Variants in CCNF observed in about 807,000 individuals in gnomAD.
CCNF encodes the protein cyclin-F.
Under a neutral mutation model 85.4 loss-of-function variants are expected in CCNF, and 30 were observed. That is an observed-to-expected ratio of 0.35 (90% CI 0.26 to 0.48). CCNF has a LOEUF of 0.48. Among genes scored for constraint, CCNF ranks in the 20% least tolerant of loss-of-function variants. The pLI, the probability that CCNF is intolerant of heterozygous loss-of-function variation, is 0.99. For missense variants in CCNF, 919 were observed against 1,010.4 expected, an observed-to-expected ratio of 0.91 and a Z score of 1.23; for synonymous variants, 439 against 425.1, an observed-to-expected ratio of 1.03 and a Z score of -0.40.
chr16:2,455,330 G>A, intron 15 of CCNF, 65 bp from the exon 16 acceptor site: 1 of 1,484,568 alleles, frequency 6.7e-7, no homozygotes, highest in Non-Finnish European at 9.0e-7. Flanking sequence ...AGGCAGGTGT[G>A]GAGGGCCTGG....
In CCNF at chr16:2,438,111, G is replaced by C; in HGVS notation, c.582G>C (p.Leu194=). The change falls in exon 6 of 17, where the codon CTG becomes CTC. Residue 194 remains leucine (L), a synonymous_variant. Coordinates refer to ENST00000397066, the MANE Select transcript of CCNF (RefSeq NM_001761.3). ...ASILHCLGRV[L]SLFEDEEKQQ... ...TATTGCACTGCTTGGGCAGAGTGCT[G>C]AGTCTGTTCGAGGTGAGTCAAGTTG... is the stretch of plus-strand genomic sequence containing the variant. The C allele has an allele frequency of 6.2e-7, 1 of 1,609,466 alleles. No homozygotes were observed.
chr16:2,445,722 T>TTC, intron 10 of CCNF, 100 bp downstream of exon 10: 1 of 995,448 alleles, frequency 1.0e-6, no homozygotes, highest in South Asian at 1.7e-5. Context: ...TGGTTTTGTT[T>TTC]TGTGTTGTTT....
At chr16:2,447,059 G>A (rs967197406) in intron 10 of CCNF, among the ~76,000 whole-genome samples, 6 of 152,174 alleles carry the variant, frequency 3.9e-5, no homozygotes, top group African/African-American at 1.4e-4. Context: ...AGAGACGACT[G>A]AGGAGGTCGG....
Position 2,443,685 on chromosome 16 carries a change from C to A in CCNF, c.814C>A (p.Leu272Ile). ...LAKACANANQ[L>I]GLEVRASSEI... ...CAAAGCCTGTGCAAATGCAAACCAG[C>A]TTGGACTGGAGGTGAGAGCTTCCAG... is the stretch of plus-strand genomic sequence containing the variant. Residue 272 changes from leucine (L) to isoleucine (I), a missense_variant, in exon 9 of 17, where the codon CTT (leucine) becomes ATT (isoleucine). Around this residue, in one of 3 missense-constraint regions of CCNF, gnomAD observed 410 missense variants for 478.6 expected, o/e 0.86. Coordinates refer to ENST00000397066, the MANE Select transcript of CCNF (RefSeq NM_001761.3). The A allele has an allele frequency of 6.2e-7, 1 of 1,614,188 alleles. No homozygotes were observed. Among genetic ancestry groups the A allele is most frequent in the Non-Finnish European group, 8.5e-7 (1 of 1,180,030 alleles).
intron 13 of CCNF, among the ~76,000 whole-genome samples, chr16:2,450,336 TAA>T (rs869044588): frequency 1.5e-5 from 1 of 65,938 alleles, no homozygotes; most frequent in Non-Finnish European, 2.6e-5. Flanking sequence ...CTGTCTCTAC[TAA>T]AAAAAAAAAA....
At chr16:2,444,202 A>C (rs2065348602) in intron 9 of CCNF, among the ~76,000 whole-genome samples, 1 of 151,740 alleles carries the variant, frequency 6.6e-6, no homozygotes. Flanking sequence ...TACAGGCGTG[A>C]GCCACCGCGC....
chr16:2,429,656 G>T (rs998717753), intron 1 of CCNF, among the ~76,000 whole-genome samples, 159 bp downstream of exon 1: 3 of 152,118 alleles, frequency 2.0e-5, no homozygotes, highest in Non-Finnish European at 4.4e-5. Flanking sequence ...CGCGCAGGGA[G>T]CCCCGGCGGC....
intron 15 of CCNF, among the ~76,000 whole-genome samples, chr16:2,455,069 A>C (rs531844453): frequency 7.9e-4 from 120 of 151,396 alleles, no homozygotes; most frequent in African/African-American, 2.7e-3. Flanking sequence ...AAAAAAAAAA[A>C]AAAAAAAAAA....
chr16:2,451,777 C>T lies in CCNF; in HGVS notation c.1488-1433C>T, dbSNP rs1327623286. On this transcript the variant is annotated intron_variant, in intron 13 of 16. Coordinates refer to ENST00000397066, the MANE Select transcript of CCNF (RefSeq NM_001761.3). The surrounding 1 kb of genome is among the most constrained non-coding windows in gnomAD (Gnocchi z 4.3). ...CCCTCGGGGGCTTCGGCTTCCTGCC[C>T]TAGGCCATGCGGCCTAGGTGTTGGT... 6.6e-6 allele frequency among the ~76,000 whole-genome samples: 1 copy of T among 152,208 alleles called. No homozygotes were observed.
rs201361389 is a variant in CCNF, at chr16:2,448,945, C to T, written c.1185C>T (p.Gly395=). The T allele has an allele frequency of 8.1e-6, 13 of 1,614,098 alleles. No homozygotes were observed. Among genetic ancestry groups the T allele is most frequent in the East Asian group, 2.2e-5 (1 of 44,884 alleles). Residue 395 remains glycine (G), a synonymous_variant, in exon 11 of 17, where the codon GGC becomes GGT. Coordinates refer to ENST00000397066, the MANE Select transcript of CCNF (RefSeq NM_001761.3). ...YKYEDLVRMM[G]EIVSALEGKI... ...ACGAGGACCTGGTGAGAATGATGGGCGAGATCGTCTCCGCCTTGGAAGGGA... is the reference window on the plus strand; with the variant it reads ...ACGAGGACCTGGTGAGAATGATGGGTGAGATCGTCTCCGCCTTGGAAGGGA...
intron 1 of CCNF, among the ~76,000 whole-genome samples, chr16:2,430,630 G>A (rs1300499169): frequency 6.6e-6 from 1 of 152,104 alleles, no homozygotes; most frequent in Non-Finnish European, 1.5e-5. Flanking sequence ...CCAAGTCTGT[G>A]GCTTCTCTCC....
chr16:2,441,974 T>TATAA (rs2065324702), intron 8 of CCNF, among the ~76,000 whole-genome samples: 1 of 132,500 alleles, frequency 7.5e-6, no homozygotes, highest in South Asian at 2.4e-4. Context: ...TATATATATA[T>TATAA]ATATATATGT....
chr16:2,455,540 A>G lies in CCNF; in HGVS notation c.1861A>G (p.Ser621Gly), dbSNP rs778264897. 3.4e-5 allele frequency: 55 copies of G among 1,599,744 alleles called. No homozygotes were observed. The highest frequency in any genetic ancestry group is 4.5e-5 in the Non-Finnish European group (53 of 1,168,620). Residue 621 changes from serine to glycine, a missense_variant, in exon 16 of 17, where the codon AGT becomes GGT. By Grantham distance (56) the Ser-to-Gly change is moderately conservative. Transcript: ENST00000397066. ...CTCTGGCTATGAAGGCGACCAGGAG[A>G]GTGAGGGCGAGAAGGAGGGCGACGG... ...CCSGYEGDQE[S>G]EGEKEGDVTA...
rs767153384 is a variant in CCNF, at chr16:2,437,361, G to C, written c.540+39G>C. On this transcript the variant is annotated intron_variant, in intron 5 of 16. Coordinates refer to ENST00000397066, the MANE Select transcript of CCNF (RefSeq NM_001761.3). Reference sequence around the variant, plus strand: ...AGGGGCAGCACCTGCGAGGCCACCTGCAGGGTCCCAGGACACAGGAAGACC... The same window carrying C: ...AGGGGCAGCACCTGCGAGGCCACCTCCAGGGTCCCAGGACACAGGAAGACC... 2.7e-6 allele frequency: 4 copies of C among 1,494,258 alleles called. No homozygotes were observed. The African/African-American group carries it at 5.5e-5, about 20-fold the overall frequency. 92.6% of individuals were successfully genotyped at this position (1,494,258 alleles called of 1,614,324 possible).
chr16:2,439,641 G>T, intron 7 of CCNF, 108 bp from the exon 8 acceptor site: 1 of 1,008,484 alleles, frequency 9.9e-7, no homozygotes, highest in South Asian at 1.4e-5. Flanking sequence ...TCCACCATTT[G>T]AGAGAGAAGA....
At position 2,451,620 on chromosome 16, in the gene CCNF, A is replaced by AG. The variant is rs2065395638; in HGVS notation, c.1488-1589dup. ...GGCTGGAGTGCAGTGGCACCATCCT[A>AG]GCTCACTGCAGCCCTGACCTCCCGG... On this transcript the variant is annotated intron_variant, in intron 13 of 16. Coordinates refer to ENST00000397066, the MANE Select transcript of CCNF (RefSeq NM_001761.3). The surrounding 1 kb of genome is among the most constrained non-coding windows in gnomAD (Gnocchi z 4.3). 6.6e-6 allele frequency among the ~76,000 whole-genome samples: 1 copy of AG among 151,912 alleles called. No homozygotes were observed. The highest frequency in any genetic ancestry group is 6.6e-5 in the Admixed American group (1 of 15,258).
chr16:2,453,625 G>A lies in CCNF; in HGVS notation c.1715+88G>A. Reference sequence around the variant, plus strand: ...CCTCAGCGCTTCCTCACACAGAGAGGCCCCCAAGGCTTGTCAGGGGAGCAG... The same window carrying A: ...CCTCAGCGCTTCCTCACACAGAGAGACCCCCAAGGCTTGTCAGGGGAGCAG... On this transcript the variant is annotated intron_variant, in intron 15 of 16. Coordinates refer to ENST00000397066, the MANE Select transcript of CCNF (RefSeq NM_001761.3). This position sits in a 1 kb window ranked among gnomAD's most constrained non-coding sequence, Gnocchi z 5.6. 1 of 1,536,492 alleles carries A rather than the reference G, an allele frequency of 6.5e-7. No homozygotes were observed. Among genetic ancestry groups the A allele is most frequent in the Middle Eastern group, 1.9e-4 (1 of 5,398 alleles).
chr16:2,445,248 C>T (rs1035701025), intron 9 of CCNF: 7 of 574,266 alleles, frequency 1.2e-5, no homozygotes, highest in Non-Finnish European at 2.2e-5. Flanking sequence ...GGAACACAGT[C>T]GAAGGATGTG....
rs1450227924 is a variant in CCNF, at chr16:2,435,658, C to T, written c.279-148C>T. On this transcript the variant is annotated intron_variant, in intron 3 of 16. Transcript: ENST00000397066. ...ATATGCACACACATATATATATGCA[C>T]ACACACACATATATATATATATATA... is the stretch of plus-strand genomic sequence containing the variant. The T allele has an allele frequency of 8.7e-5, 4 of 46,170 alleles. No homozygotes were observed. In the South Asian group the frequency reaches 1.9e-3, roughly 22 times the overall value. 2.9% of individuals were successfully genotyped at this position (46,170 alleles called of 1,614,324 possible). A position where few individuals can be genotyped will look rare whatever the true frequency, so the allele number is the denominator to read the frequency against.
Sources: allele counts gnomAD v4.1 joint callset (sites outside exome capture counted in the v4.1 genomes callset), GRCh38; gene constraint gnomAD v4.1.1; regional missense constraint gnomAD v4.1.1; non-coding constraint Gnocchi (gnomAD v3.1); transcripts MANE v1.5; gene names NCBI Gene and HGNC (gene_info 2026-07-23, HGNC 2026-07-21).